The following LIMS2 variants were observed in gnomAD, a reference collection of about 807,000 sequenced individuals.
LIMS2 encodes the protein LIM and senescent cell antigen-like-containing domain protein 2.
In LIMS2, 30 loss-of-function variants were observed where a neutral mutation model predicts 45.3. The observed-to-expected ratio is 0.66, with a 90% CI of 0.50 to 0.90. The LOEUF is 0.90. Among genes scored for constraint, LIMS2 ranks in the 40% least tolerant of loss-of-function variants. The probability of loss-of-function intolerance (pLI) is 0.00; values close to 1 mark genes in which losing one functional copy is unlikely to be tolerated. For synonymous variants in LIMS2, 173 were observed against 188.0 expected (o/e 0.92, Z 0.65); for missense variants, 485 against 468.7 (o/e 1.03, Z -0.32).
intron 1 of LIMS2, among the ~76,000 whole-genome samples, chr2:127,657,837 G>T (rs1684365850): frequency 6.6e-6 from 1 of 152,182 alleles, no homozygotes; most frequent in Non-Finnish European, 1.5e-5. Flanking sequence ...CCCAGCACAG[G>T]TGAGCGGCTC....
At chr2:127,680,489 T>C (rs1365849958), upstream of LIMS2, among the ~76,000 whole-genome samples, 1 of 152,088 alleles carries the variant, frequency 6.6e-6, no homozygotes, top group African/African-American at 2.4e-5. Context: ...AAAATAAAAA[T>C]ATGAGCCTGC....
chr2:127,674,030 G>C, intron 1 of LIMS2: 1 of 411,780 alleles, frequency 2.4e-6, no homozygotes, highest in Non-Finnish European at 4.5e-6. Context: ...GCTATTTTTG[G>C]TTCCTGGGCT....
chr2:127,658,904 T>C (rs1055506259), intron 1 of LIMS2, among the ~76,000 whole-genome samples: 1 of 152,094 alleles, frequency 6.6e-6, no homozygotes, highest in South Asian at 2.1e-4. Context: ...CCAGGATGAA[T>C]CCCACCCAGC....
chr2:127,663,561 C>T (rs1272433050), intron 1 of LIMS2, among the ~76,000 whole-genome samples: 2 of 152,190 alleles, frequency 1.3e-5, no homozygotes, highest in Non-Finnish European at 2.9e-5. Flanking sequence ...CACTGGCCTT[C>T]CTCTGCTCCT....
intron 4 of LIMS2, among the ~76,000 whole-genome samples, chr2:127,649,307 C>T (rs1326320538): frequency 6.6e-6 from 1 of 152,176 alleles, no homozygotes; most frequent in Non-Finnish European, 1.5e-5. Context: ...CCTGCCAGGG[C>T]TGTGGCCCGT....
rs574964486 is a variant in LIMS2, at chr2:127,647,124, C to T, written c.360-4052G>A. Among the ~76,000 whole-genome samples, 3 of 152,342 alleles carry T rather than the reference C, an allele frequency of 2.0e-5. No homozygotes were observed. In the East Asian group the frequency reaches 5.8e-4, roughly 29 times the overall value. On this transcript the variant is annotated intron_variant, in intron 4 of 9. Coordinates refer to ENST00000355119, the MANE Select transcript of LIMS2 (RefSeq NM_001161403.3). The surrounding 1 kb of genome is among the most constrained non-coding windows in gnomAD (Gnocchi z 4.3). The stretch of plus-strand genomic sequence containing the variant: ...GAGATATGCCACCCCTGCCGTCACT[C>T]AGGGCCCTGAGCCCAGTAACACTCT...
At chr2:127,645,279 C>T (rs1682841461) in intron 4 of LIMS2, among the ~76,000 whole-genome samples, 1 of 152,172 alleles carries the variant, frequency 6.6e-6, no homozygotes, top group African/African-American at 2.4e-5. Context: ...TAAATGCTAG[C>T]CACATACATA....
intron 1 of LIMS2, among the ~76,000 whole-genome samples, chr2:127,665,362 G>A (rs1165483845): frequency 6.6e-6 from 1 of 152,164 alleles, no homozygotes; most frequent in Non-Finnish European, 1.5e-5. Flanking sequence ...TAGGGTGGGA[G>A]AAAGCCTTGG....
In LIMS2 at chr2:127,650,914, A is replaced by T. The variant is rs145089218; in HGVS notation, c.359+3510T>A. 1.9e-4 allele frequency: 308 copies of T among 1,613,884 alleles called. No homozygotes were observed. Among genetic ancestry groups the T allele is most frequent in the Non-Finnish European group, 2.5e-4 (295 of 1,180,038 alleles). On this transcript the variant is annotated intron_variant, in intron 4 of 9. Coordinates refer to ENST00000355119, the MANE Select transcript of LIMS2 (RefSeq NM_001161403.3). ...GCTCTGTGGCTTTTCATCCGAGACC[A>T]CAAGTCCGGGACCCCGGCCAACGTG... is the stretch of plus-strand genomic sequence containing the variant.
chr2:127,676,442 G>C (rs1333578809), upstream of LIMS2, among the ~76,000 whole-genome samples: 3 of 121,140 alleles, frequency 2.5e-5, no homozygotes, highest in South Asian at 5.5e-4. Context: ...ACGGAGTTTC[G>C]CTCTTATTGC....
Position 127,642,435 on chromosome 2 carries a change from C to A in LIMS2, c.510-236G>T, listed in dbSNP as rs979451919. The A allele has an allele frequency of 2.0e-5, 9 of 449,642 alleles. No homozygotes were observed. The highest frequency in any genetic ancestry group is 3.5e-5 in the Non-Finnish European group (9 of 256,914). The allele number at this position is 449,642 out of a possible 1,614,324, so 27.9% of individuals were successfully genotyped here. On this transcript the variant is annotated intron_variant, in intron 5 of 9. Transcript: ENST00000355119. This position sits in a 1 kb window ranked among gnomAD's most constrained non-coding sequence, Gnocchi z 5.3. The stretch of plus-strand genomic sequence containing the variant: ...AGTGGGCTGTGTTCTGCACCCAGGC[C>A]TCTGAGAAGCAGGTCTGTTCTTGGG...
rs1285460810 is a variant in LIMS2, at chr2:127,673,792, G to C, written c.11+1222C>G. The C allele has an allele frequency of 1.1e-5, 17 of 1,526,960 alleles. No individual in the cohort carries two copies. The Admixed American group carries it at 2.0e-4, about 18-fold the overall frequency. 94.6% of individuals were successfully genotyped at this position (1,526,960 alleles called of 1,614,324 possible). ...CAGCCAGCTGGCAGGGATGCTCTGA[G>C]GAAAATGGGAGGCAGCCCCGCTAGA... On this transcript the variant is annotated intron_variant, in intron 1 of 9. Transcript: ENST00000355119.
At chr2:127,652,034 A>G in intron 4 of LIMS2, 1 of 463,622 alleles carries the variant, frequency 2.2e-6, no homozygotes, top group East Asian at 3.5e-5. Flanking sequence ...CGGAAGAACA[A>G]CCCCTGAACA....
At chr2:127,648,159 G>C (rs1683208181) in intron 4 of LIMS2, 1 of 985,188 alleles carries the variant, frequency 1.0e-6, no homozygotes, top group African/African-American at 1.7e-5. Context: ...CTGGGGAATG[G>C]GGTCCCCATG....
chr2:127,650,392 C>T (rs1683608694), intron 4 of LIMS2: 1 of 535,780 alleles, frequency 1.9e-6, no homozygotes, highest in Non-Finnish European at 3.3e-6. Flanking sequence ...CCAGGCAAGG[C>T]TCACGTCCCA....
chr2:127,664,290 G>C lies in LIMS2; in HGVS notation c.12-6728C>G, dbSNP rs1324816288. 1 of 1,234,588 alleles carries C rather than the reference G, an allele frequency of 8.1e-7. No homozygotes were observed. The highest frequency in any genetic ancestry group is 3.3e-5 in the East Asian group (1 of 30,720). The allele number at this position is 1,234,588 out of a possible 1,614,324, so 76.5% of individuals were successfully genotyped here. ...GGCCATTGTCCCCGCCACCCGCCCCGCCCCTGGCCACCTACCCCGTGGCTG... is the reference window on the plus strand; with the variant it reads ...GGCCATTGTCCCCGCCACCCGCCCCCCCCCTGGCCACCTACCCCGTGGCTG... On this transcript the variant is annotated intron_variant, in intron 1 of 9. Coordinates refer to ENST00000355119, the MANE Select transcript of LIMS2 (RefSeq NM_001161403.3). This position sits in a 1 kb window ranked among gnomAD's most constrained non-coding sequence, Gnocchi z 5.5.
chr2:127,675,104 C>A lies in LIMS2; in HGVS notation c.-80G>T. ...CTGCTGCAGCCGCCAGCCGAGCGCC[C>A]GCCCGCCAGCCCGGGCCGCGGAGCA... On this transcript the variant is annotated 5_prime_UTR_variant, in exon 1 of 10. Coordinates refer to ENST00000355119, the MANE Select transcript of LIMS2 (RefSeq NM_001161403.3). The A allele has an allele frequency of 8.3e-7, 1 of 1,205,898 alleles. No homozygotes were observed. Among genetic ancestry groups the A allele is most frequent in the South Asian group, 4.2e-5 (1 of 23,926 alleles). The allele number at this position is 1,205,898 out of a possible 1,614,324, so 74.7% of individuals were successfully genotyped here.
intron 2 of LIMS2, among the ~76,000 whole-genome samples, chr2:127,656,985 C>A (rs527859083): frequency 6.6e-6 from 1 of 152,342 alleles, no homozygotes; most frequent in South Asian, 2.1e-4. Flanking sequence ...ATGTCTCCCT[C>A]CCCTCAGGTG....
rs1412327786 is a variant in LIMS2 at position 127,671,332 on chromosome 2, C to T, written c.11+3682G>A. ...CCTGTAGTCCCAGCTACTTGGGAGG[C>T]TGAGGCAAGAGAATTGCTTGAACCT... is the stretch of plus-strand genomic sequence containing the variant. On this transcript the variant is annotated intron_variant, in intron 1 of 9. Transcript: ENST00000355119. This position sits in a 1 kb window ranked among gnomAD's most constrained non-coding sequence, Gnocchi z 4.1. 6.6e-6 allele frequency among the ~76,000 whole-genome samples: 1 copy of T among 151,784 alleles called. No homozygotes were observed. The highest frequency in any genetic ancestry group is 1.5e-5 in the Non-Finnish European group (1 of 67,996).
Sources: allele counts gnomAD v4.1 joint callset (sites outside exome capture counted in the v4.1 genomes callset), GRCh38; gene constraint gnomAD v4.1.1; non-coding constraint Gnocchi (gnomAD v3.1); transcripts MANE v1.5; gene names NCBI Gene and HGNC (gene_info 2026-07-23, HGNC 2026-07-21).